Variants in SLC37A3 observed in about 807,000 individuals in gnomAD.
SLC37A3 encodes the protein sugar phosphate exchanger 3.
A neutral mutation model predicts 67.1 loss-of-function variants in SLC37A3; 51 were observed. The observed-to-expected ratio is 0.76, with a 90% confidence interval of 0.61 to 0.96. SLC37A3 has a LOEUF of 0.96. Among genes scored for constraint, SLC37A3 ranks in the 40% least tolerant of loss-of-function variants. The probability of loss-of-function intolerance (pLI) is 0.00; values close to 1 mark genes in which losing one functional copy is unlikely to be tolerated. For missense variants in SLC37A3, 508 were observed against 603.0 expected (o/e 0.84, Z 1.65); for synonymous variants, 214 against 231.4 (o/e 0.92, Z 0.68).
chr7:140,350,971 A>C (rs1414209651), intron 9 of SLC37A3, among the ~76,000 whole-genome samples: 3 of 152,152 alleles, frequency 2.0e-5, no homozygotes, highest in Admixed American at 6.5e-5. Flanking sequence ...GGCCACGTCT[A>C]ACTGTCCCAT....
Position 140,351,808 on chromosome 7 carries a change from T to TATA in SLC37A3, c.703+253_703+254insTAT, listed in dbSNP as rs1243937816. 8.4e-6 allele frequency: 5 copies of TATA among 596,112 alleles called. No individual in the cohort carries two copies. The African/African-American group carries it at 9.3e-5, about 11-fold the overall frequency. 36.9% of individuals were successfully genotyped at this position (596,112 alleles called of 1,614,324 possible). The stretch of plus-strand genomic sequence containing the variant: ...TCATTCCTTGCCAGTGTCTCAATTA[T>TATA]AAAAATAATTTGCAAATGCGAAGAT... On this transcript the variant is annotated intron_variant, in intron 8 of 14. Coordinates refer to ENST00000326232, the MANE Select transcript of SLC37A3 (RefSeq NM_207113.3).
chr7:140,359,973 CATAA>C (rs745513631), intron 5 of SLC37A3, among the ~76,000 whole-genome samples: 2 of 152,156 alleles, frequency 1.3e-5, no homozygotes, highest in African/African-American at 2.4e-5. Flanking sequence ...GTGAGCAACT[CATAA>C]ATAAATAAAG....
At chr7:140,346,439 A>T (rs1267353597) in intron 10 of SLC37A3, among the ~76,000 whole-genome samples, 2 of 152,198 alleles carry the variant, frequency 1.3e-5, no homozygotes. Flanking sequence ...TTTAGGAATA[A>T]ACTGTCTGTT....
At position 140,335,148 on chromosome 7, in the gene SLC37A3, G is replaced by A. The variant is rs1796081591; in HGVS notation, c.*264C>T. The stretch of plus-strand genomic sequence containing the variant: ...CCAAACAAAGACGCGGGCAGAGTCA[G>A]AGGTCAAAGATGCTGGCAGAGTCAG... On this transcript the variant is annotated 3_prime_UTR_variant, in exon 15 of 15. Coordinates refer to ENST00000326232, the MANE Select transcript of SLC37A3 (RefSeq NM_207113.3). 1 of 1,380,276 alleles carries A rather than the reference G, an allele frequency of 7.2e-7. No homozygotes were observed. Among genetic ancestry groups the A allele is most frequent in the South Asian group, 1.4e-5 (1 of 73,210 alleles). 85.5% of individuals were successfully genotyped at this position (1,380,276 alleles called of 1,614,324 possible).
chr7:140,375,107 T>C (rs943726533), intron 3 of SLC37A3, among the ~76,000 whole-genome samples: 1 of 151,404 alleles, frequency 6.6e-6, no homozygotes, highest in African/African-American at 2.4e-5. Context: ...TGGGCCGAGA[T>C]TGTGCCACTG....
chr7:140,364,449 G>C lies in SLC37A3; in HGVS notation c.334C>G (p.Arg112Gly). ...SGIVGDRLNL[R>G]WVLSFGMCSS... ...CACATGCCAAAAGACAGAACCCATC[G>C]CAAATTCAACCGATCCCCAACGATG... Residue 112 changes from arginine (R) to glycine (G), a missense_variant, in exon 5 of 15, where the codon CGA (arginine) becomes GGA (glycine). Coordinates refer to ENST00000326232, the MANE Select transcript of SLC37A3 (RefSeq NM_207113.3). 1 of 1,613,888 alleles carries C rather than the reference G, an allele frequency of 6.2e-7. No homozygotes were observed. The highest frequency in any genetic ancestry group is 8.5e-7 in the Non-Finnish European group (1 of 1,179,990).
chr7:140,372,721 C>G (rs1163641759), intron 3 of SLC37A3, among the ~76,000 whole-genome samples: 1 of 151,786 alleles, frequency 6.6e-6, no homozygotes, highest in Non-Finnish European at 1.5e-5. Context: ...AAATTAGCCA[C>G]GTGTGGTGGT....
At chr7:140,369,555 T>C (rs1354176696) in intron 4 of SLC37A3, 35 bp downstream of exon 4, 1 of 1,569,580 alleles carries the variant, frequency 6.4e-7, no homozygotes, top group Non-Finnish European at 8.7e-7. Flanking sequence ...TTTACATTTT[T>C]CTTTAGCTTT....
At chr7:140,378,064 G>A (rs537447363) in intron 3 of SLC37A3, among the ~76,000 whole-genome samples, 1 of 152,168 alleles carries the variant, frequency 6.6e-6, no homozygotes, top group East Asian at 1.9e-4. Context: ...GTGGTCTTGG[G>A]AACCCCCAAC....
Position 140,338,158 on chromosome 7 carries a change from G to A in SLC37A3, c.1327-809C>T, listed in dbSNP as rs536740159. On this transcript the variant is annotated intron_variant, in intron 13 of 14. Coordinates refer to ENST00000326232, the MANE Select transcript of SLC37A3 (RefSeq NM_207113.3). ...GTCCACCTCGGCCTCCCAAAGTGCTGGGATTACAGGCGTACTGCGCCCGGC... is the reference window on the plus strand; with the variant it reads ...GTCCACCTCGGCCTCCCAAAGTGCTAGGATTACAGGCGTACTGCGCCCGGC... Among the ~76,000 whole-genome samples the A allele has an allele frequency of 3.7e-3, 569 of 152,236 alleles. 2 individuals are homozygous for A. The highest frequency in any genetic ancestry group is 0.013 in the African/African-American group (537 of 41,528).
At chr7:140,348,810 C>G (rs760121463) in intron 9 of SLC37A3, 43 bp from the exon 10 acceptor site, 1 of 1,600,582 alleles carries the variant, frequency 6.2e-7, no homozygotes, top group Non-Finnish European at 8.5e-7. Flanking sequence ...ACAAATAGCA[C>G]AGCACGACTA....
At chr7:140,340,114 C>T (rs6964148) in intron 13 of SLC37A3, among the ~76,000 whole-genome samples, 92,920 of 152,022 alleles carry the variant, frequency 0.61, 30,545 homozygotes, top group African/African-American at 0.84. Context: ...TGCATTTTCC[C>T]AATGACTAAG....
At chr7:140,368,169 A>C (rs1797679963) in intron 4 of SLC37A3, among the ~76,000 whole-genome samples, 3 of 151,902 alleles carry the variant, frequency 2.0e-5, no homozygotes, top group Admixed American at 1.3e-4. Flanking sequence ...CCCACCTCTG[A>C]GGACTGGAAG....
intron 10 of SLC37A3, 199 bp downstream of exon 10, chr7:140,348,427 C>T: frequency 1.8e-6 from 1 of 556,772 alleles, no homozygotes; most frequent in Non-Finnish European, 2.9e-6. Context: ...GTCTTCCTTT[C>T]TATGGACCTC....
At chr7:140,344,722 C>T (rs1796486816) in intron 12 of SLC37A3, among the ~76,000 whole-genome samples, 1 of 152,116 alleles carries the variant, frequency 6.6e-6, no homozygotes, top group African/African-American at 2.4e-5. Context: ...TGCCACTACA[C>T]TCCAGCCTGG....
intron 4 of SLC37A3, among the ~76,000 whole-genome samples, chr7:140,365,011 A>T (rs1797543799): frequency 6.6e-6 from 1 of 152,164 alleles, no homozygotes; most frequent in Non-Finnish European, 1.5e-5. Context: ...TAAAAAGTGG[A>T]ATAGAAGGTT....
At chr7:140,383,433 T>G in intron 1 of SLC37A3, among the ~76,000 whole-genome samples, 1 of 152,072 alleles carries the variant, frequency 6.6e-6, no homozygotes, top group Non-Finnish European at 1.5e-5. Context: ...ATCACGCCAC[T>G]GCAGTCAACC....
intron 1 of SLC37A3, among the ~76,000 whole-genome samples, chr7:140,394,856 C>T (rs1397797219): frequency 6.6e-6 from 1 of 151,064 alleles, no homozygotes; most frequent in African/African-American, 2.4e-5. Flanking sequence ...ATCCGCCTGC[C>T]TCAGCCTCCC....
rs1484399598 is a variant in SLC37A3 at position 140,351,462 on chromosome 7, A to G, written c.704-11T>C. On this transcript the variant is annotated splice_polypyrimidine_tract_variant and intron_variant, in intron 8 of 14. Coordinates refer to ENST00000326232, the MANE Select transcript of SLC37A3 (RefSeq NM_207113.3). Reference sequence around the variant, plus strand: ...CAATACCCGAGAGACCTAAAATAACAGCGACAGCCACTGTTTATGGAGTGC... The same window carrying G: ...CAATACCCGAGAGACCTAAAATAACGGCGACAGCCACTGTTTATGGAGTGC... The G allele has an allele frequency of 6.2e-7, 1 of 1,611,520 alleles. No individual in the cohort carries two copies. Among genetic ancestry groups the G allele is most frequent in the East Asian group, 2.2e-5 (1 of 44,868 alleles).
Sources: gnomAD v4.1 joint callset for allele counts (sites outside exome capture counted in the v4.1 genomes callset) on GRCh38, gnomAD v4.1.1 for gene constraint, MANE v1.5 for transcripts, NCBI Gene and HGNC (gene_info 2026-07-23, HGNC 2026-07-21) for gene names.